NIN: variants seen among roughly 807,000 people sequenced by gnomAD.
NIN encodes ninein.
A neutral mutation model predicts 257.6 loss-of-function variants in NIN; 137 were observed. The ratio of observed to expected loss-of-function variants is 0.53; its 90% CI spans 0.46 to 0.61. The LOEUF (loss-of-function observed/expected upper bound fraction) is 0.61, where lower values mean the gene tolerates loss of function less well. NIN is among the 20% of genes least tolerant of loss of function. The pLI is 0.00. For missense variants in NIN, 2,439 were observed against 2,501.2 expected (o/e 0.98, Z 0.53); for synonymous variants, 918 against 919.8 (o/e 1.00, Z 0.04).
At chr14:50,779,337 A>C (rs1318738403) in intron 5 of NIN, among the ~76,000 whole-genome samples, 1 of 152,266 alleles carries the variant, frequency 6.6e-6, no homozygotes, top group Non-Finnish European at 1.5e-5. Flanking sequence ...GTAGTATTTT[A>C]AGTGCTATGA....
intron 3 of NIN, among the ~76,000 whole-genome samples, chr14:50,808,345 T>A (rs766922328): frequency 1.1e-4 from 16 of 152,190 alleles, no homozygotes; most frequent in Non-Finnish European, 2.4e-4. Flanking sequence ...ACAAACATCA[T>A]GCACTCAAGA....
At chr14:50,746,214 C>G (rs2041530733) in intron 22 of NIN, among the ~76,000 whole-genome samples, 1 of 152,092 alleles carries the variant, frequency 6.6e-6, no homozygotes, top group African/African-American at 2.4e-5. Flanking sequence ...AACAGACAGG[C>G]TTTCAAAAAG....
At chr14:50,753,466 C>G (rs1287330794) in intron 20 of NIN, among the ~76,000 whole-genome samples, 1 of 152,170 alleles carries the variant, frequency 6.6e-6, no homozygotes, top group Non-Finnish European at 1.5e-5. Context: ...TTTTTACTGG[C>G]TATAGGATAT....
At chr14:50,733,094 A>C (rs1368565970) in intron 28 of NIN, among the ~76,000 whole-genome samples, 1 of 106,244 alleles carries the variant, frequency 9.4e-6, no homozygotes, top group Non-Finnish European at 1.9e-5. Flanking sequence ...CTATAGCATT[A>C]ATAATTTTTT....
chr14:50,745,712 G>T (rs1037622691), intron 22 of NIN, among the ~76,000 whole-genome samples: 2 of 152,176 alleles, frequency 1.3e-5, no homozygotes, highest in African/African-American at 4.8e-5. Context: ...CCACTGCCTT[G>T]TCTTCCTACC....
chr14:50,776,916 A>G (rs574450258), intron 7 of NIN, 33 bp downstream of exon 7: 2 of 1,573,292 alleles, frequency 1.3e-6, no homozygotes, highest in Non-Finnish European at 1.7e-6. Flanking sequence ...TTTTACCATC[A>G]TTATCATTCC....
At position 50,772,972 on chromosome 14, in the gene NIN, G is replaced by A. The variant is rs1280105868; in HGVS notation, c.790C>T (p.Leu264=). The A allele has an allele frequency of 3.7e-6, 6 of 1,609,880 alleles. No individual in the cohort carries two copies. The highest frequency in any genetic ancestry group is 4.2e-6 in the Non-Finnish European group (5 of 1,178,960). Residue 264 remains leucine (L), a synonymous_variant, in exon 8 of 31, where the codon CTA becomes TTA. Transcript: ENST00000530997. ...ACCTGCATGGAAAGGTGCCTTTTTAGTTGTCTATATGGAGTAGATGCTGAT... is the reference window on the plus strand; with the variant it reads ...ACCTGCATGGAAAGGTGCCTTTTTAATTGTCTATATGGAGTAGATGCTGAT... ...TPSASTPYRQ[L]KRHLSMQSFD...
intron 4 of NIN, among the ~76,000 whole-genome samples, chr14:50,797,709 G>C (rs764367415): frequency 7.2e-5 from 11 of 152,068 alleles, no homozygotes; most frequent in Non-Finnish European, 1.2e-4. Flanking sequence ...AAATCCAAAG[G>C]AACACTAAGA....
rs1001495198 is a variant in NIN, at chr14:50,772,140, G to T, written c.981+161C>A. ...GAAAGTACTTAACAAAAGGCTCCTG[G>T]TTAAAAGGGCTAAAAAAAAAGTTAC... On this transcript the variant is annotated intron_variant, in intron 9 of 30. Coordinates refer to ENST00000530997, the MANE Select transcript of NIN (RefSeq NM_020921.4). 4.8e-6 allele frequency: 3 copies of T among 621,206 alleles called. No homozygotes were observed. The African/African-American group carries it at 5.5e-5, about 11-fold the overall frequency. 38.5% of individuals were successfully genotyped at this position (621,206 alleles called of 1,614,324 possible).
intron 3 of NIN, among the ~76,000 whole-genome samples, chr14:50,814,002 A>G (rs2044760075): frequency 6.6e-6 from 1 of 152,250 alleles, no homozygotes; most frequent in Non-Finnish European, 1.5e-5. Flanking sequence ...AGGCAGTTTC[A>G]TAATGAAAGA....
intron 20 of NIN, among the ~76,000 whole-genome samples, chr14:50,753,387 C>T (rs925203911): frequency 6.6e-6 from 1 of 152,016 alleles, no homozygotes; most frequent in African/African-American, 2.4e-5. Flanking sequence ...GCAACAAGAG[C>T]GAAACTCCGT....
chr14:50,807,554 G>T (rs78196674), intron 3 of NIN, among the ~76,000 whole-genome samples: 2,206 of 152,192 alleles, frequency 0.014, 63 homozygotes, highest in African/African-American at 0.05. Flanking sequence ...CTCACCTTGG[G>T]ATTTCTTCTC....
At chr14:50,819,162 TA>T (rs1348851009) in intron 3 of NIN, among the ~76,000 whole-genome samples, 2 of 152,216 alleles carry the variant, frequency 1.3e-5, no homozygotes, top group East Asian at 1.9e-4. Flanking sequence ...CACTAAGATT[TA>T]AAAGACAAAA....
At chr14:50,811,544 CTTT>C (rs55734117) in intron 3 of NIN, among the ~76,000 whole-genome samples, 4 of 75,292 alleles carry the variant, frequency 5.3e-5, no homozygotes, top group African/African-American at 5.3e-5. Flanking sequence ...AATGGTCAAG[CTTT>C]TTTTTTTTTT....
At chr14:50,781,047 TG>T (rs1434137949) in intron 5 of NIN, among the ~76,000 whole-genome samples, 1 of 152,170 alleles carries the variant, frequency 6.6e-6, no homozygotes, top group Non-Finnish European at 1.5e-5. Context: ...AAAACCATCC[TG>T]CCTGTCTGTC....
chr14:50,727,627 C>T, intron 29 of NIN: 2 of 1,442,848 alleles, frequency 1.4e-6, no homozygotes, highest in Non-Finnish European at 9.4e-7. Flanking sequence ...GGTGTGTGTG[C>T]ATGGGTGGGT....
At position 50,772,902 on chromosome 14, in the gene NIN, G is replaced by C. The variant is rs751857470; in HGVS notation, c.813+47C>G. ...TAATTTATTAGACATTACTTAAATG[G>C]GTTCTAACTTTTATTCACAAAGAAA... On this transcript the variant is annotated intron_variant, in intron 8 of 30. Transcript: ENST00000530997. The C allele has an allele frequency of 2.6e-6, 4 of 1,522,658 alleles. No homozygotes were observed. In the South Asian group the frequency reaches 4.8e-5, roughly 18 times the overall value. The allele number at this position is 1,522,658 out of a possible 1,614,324, so 94.3% of individuals were successfully genotyped here.
rs950585286 is a variant in NIN at position 50,757,011 on chromosome 14, A to C, written c.4019T>G (p.Val1340Gly). ...GKIEKLQESV[V>G]QRCDCCLWEA... ...CCATAAGCAGCAGTCACACCGCTGG[A>C]CCACGCTTTCCTGAAGCTTCTCAAT... The change falls in exon 18 of 31, where the codon GTC (valine) becomes GGC (glycine). Residue 1340 changes from valine (V) to glycine (G), a missense_variant. Val to Gly is a moderately radical substitution (Grantham distance 109). Around this residue, in one of 3 missense-constraint regions of NIN, gnomAD observed 2,043 missense variants for 2,050.2 expected, o/e 1.00. Coordinates refer to ENST00000530997, the MANE Select transcript of NIN (RefSeq NM_020921.4). 17 of 1,613,100 alleles carry C rather than the reference A, an allele frequency of 1.1e-5. No individual in the cohort carries two copies. The highest frequency in any genetic ancestry group is 1.4e-5 in the Non-Finnish European group (16 of 1,179,690).
Position 50,760,207 on chromosome 14 carries a change from T to A in NIN, c.2049A>T (p.Ala683=). The change falls in exon 17 of 31, where the codon GCA becomes GCT. Residue 683 remains alanine, a synonymous_variant. Transcript: ENST00000530997. ...CATGATGTGCCTCCTTGAGCACTGC[T>A]GCTTGCCCCTGAAGTTCAGCAATTT... ...KNEIAELQGQ[A]AVLKEAHHEA... is the part of the protein sequence containing the mutation. The A allele has an allele frequency of 6.2e-7, 1 of 1,613,988 alleles. No homozygotes were observed. The highest frequency in any genetic ancestry group is 8.5e-7 in the Non-Finnish European group (1 of 1,180,050).
Sources: allele counts gnomAD v4.1 joint callset (sites outside exome capture counted in the v4.1 genomes callset), GRCh38; gene constraint gnomAD v4.1.1; regional missense constraint gnomAD v4.1.1; transcripts MANE v1.5; gene names NCBI Gene and HGNC (gene_info 2026-07-23, HGNC 2026-07-21).